The following ATAD1 variants were observed in gnomAD, a reference collection of about 807,000 sequenced individuals.
ATAD1 encodes the protein outer mitochondrial transmembrane helix translocase.
ATAD1 carries 18 observed loss-of-function variants against 42.7 expected under a neutral mutation model. The ratio of observed to expected loss-of-function variants is 0.42; its 90% CI spans 0.29 to 0.63. ATAD1 has a LOEUF of 0.63. ATAD1 is among the 20% of genes least tolerant of loss of function. The pLI is 0.19. For synonymous variants in ATAD1, 132 were observed against 143.1 expected (o/e 0.92, Z 0.55); for missense variants, 294 against 440.4 (o/e 0.67, Z 2.98).
At chr10:87,823,035 G>T (rs1170863919), upstream of ATAD1, among the ~76,000 whole-genome samples, 2 of 150,166 alleles carry the variant, frequency 1.3e-5, no homozygotes, top group African/African-American at 2.4e-5. Context: ...AATTTCAAAA[G>T]ATTGGAAGAA....
chr10:87,824,188 C>G (rs1215370170), intron 1 of ATAD1, among the ~76,000 whole-genome samples: 1 of 151,234 alleles, frequency 6.6e-6, no homozygotes, highest in Non-Finnish European at 1.5e-5. Context: ...ATGCCTAGGA[C>G]ATAGGAGAGG....
intron 8 of ATAD1, among the ~76,000 whole-genome samples, chr10:87,766,681 C>G (rs1337464905): frequency 6.6e-6 from 1 of 151,898 alleles, no homozygotes; most frequent in Non-Finnish European, 1.5e-5. Context: ...TGTGGTGGCA[C>G]ACGCCTGTAA....
intron 7 of ATAD1, among the ~76,000 whole-genome samples, 165 bp downstream of exon 7, chr10:87,770,787 T>TAG (rs1554875496): frequency 7.9e-5 from 12 of 151,896 alleles, no homozygotes; most frequent in African/African-American, 2.9e-4. Flanking sequence ...AGGATAGAAA[T>TAG]AGAGAGTGGA....
chr10:87,797,176 T>C (rs1856433205), intron 2 of ATAD1, among the ~76,000 whole-genome samples: 1 of 152,240 alleles, frequency 6.6e-6, no homozygotes, highest in South Asian at 2.1e-4. Context: ...ATCATATTGT[T>C]GGGTTTTTTG....
At chr10:87,831,923 A>C (rs1213932615) in intron 1 of ATAD1, among the ~76,000 whole-genome samples, 1 of 152,148 alleles carries the variant, frequency 6.6e-6, no homozygotes. Flanking sequence ...TCAGATAAGG[A>C]AACTGAGGCA....
At chr10:87,821,947 T>C (rs1857639218), upstream of ATAD1, among the ~76,000 whole-genome samples, 1 of 152,224 alleles carries the variant, frequency 6.6e-6, no homozygotes, top group Non-Finnish European at 1.5e-5. Context: ...AAATCTCTAC[T>C]ACCTTAGCCT....
chr10:87,754,679 C>CT lies in ATAD1; in HGVS notation c.*7dup. 1 of 1,611,418 alleles carries CT rather than the reference C, an allele frequency of 6.2e-7. No individual in the cohort carries two copies. The highest frequency in any genetic ancestry group is 8.5e-7 in the Non-Finnish European group (1 of 1,179,028). On this transcript the variant is annotated 3_prime_UTR_variant, in exon 10 of 10. Transcript: ENST00000680024. ...TAGATCACTGAACTGTACAAATGAT[C>CT]TTTACTCTTAATCTAAACAAACATG...
chr10:87,812,476 T>G (rs1291981969), intron 2 of ATAD1, among the ~76,000 whole-genome samples: 1 of 152,128 alleles, frequency 6.6e-6, no homozygotes, highest in East Asian at 1.9e-4. Flanking sequence ...TTGGCCAGGC[T>G]GATCTCCAAC....
At chr10:87,774,460 G>T (rs1214525146) in intron 6 of ATAD1, among the ~76,000 whole-genome samples, 2 of 152,112 alleles carry the variant, frequency 1.3e-5, no homozygotes, top group East Asian at 3.8e-4. Flanking sequence ...TAATAAGCAA[G>T]AGCCTATCAA....
chr10:87,802,545 C>T (rs1380146514), intron 2 of ATAD1, among the ~76,000 whole-genome samples: 1 of 151,774 alleles, frequency 6.6e-6, no homozygotes, highest in African/African-American at 2.4e-5. Flanking sequence ...GTGGCTCATG[C>T]CTGTAATCCC....
At position 87,829,569 on chromosome 10, in the gene ATAD1, A is replaced by G. The variant is rs1350169962; in HGVS notation, c.-14+11618T>C. 2.6e-5 allele frequency among the ~76,000 whole-genome samples: 4 copies of G among 152,286 alleles called. No individual in the cohort carries two copies. The East Asian group carries it at 7.7e-4, about 29-fold the overall frequency. ...TCGCCCGGCCAGGATTCACCATTCT[A>G]AATGCCATTGAGAATATTCAAAATT... On this transcript the variant is annotated intron_variant, in intron 1 of 4. Coordinates refer to the ATAD1 transcript ENST00000495903.
chr10:87,778,835 G>A (rs878902269), intron 5 of ATAD1, among the ~76,000 whole-genome samples: 10 of 151,878 alleles, frequency 6.6e-5, no homozygotes, highest in Admixed American at 1.3e-4. Flanking sequence ...GCAAAAAAAC[G>A]GACCAACACA....
At chr10:87,775,198 A>T (rs1415752620) in intron 6 of ATAD1, among the ~76,000 whole-genome samples, 1 of 152,006 alleles carries the variant, frequency 6.6e-6, no homozygotes, top group Non-Finnish European at 1.5e-5. Context: ...AGGTGGGTGG[A>T]TCAGTTGAGG....
At chr10:87,763,453 G>A (rs1176899902) in intron 8 of ATAD1, among the ~76,000 whole-genome samples, 1 of 152,212 alleles carries the variant, frequency 6.6e-6, no homozygotes, top group African/African-American at 2.4e-5. Context: ...GAGGTCAGGA[G>A]TTCAAAACCT....
At chr10:87,774,421 T>C (rs1279376502) in intron 6 of ATAD1, among the ~76,000 whole-genome samples, 2 of 152,206 alleles carry the variant, frequency 1.3e-5, no homozygotes, top group Non-Finnish European at 2.9e-5. Context: ...GCCAGGGTTC[T>C]GATTTTCTAA....
In ATAD1 at chr10:87,825,886, G is replaced by T. The variant is rs114723261; in HGVS notation, c.-13-11274C>A. ...CCAGCCAAGTACAACACATTTTTTT[G>T]TTTAATTTACTATGGGTAATTAATA... On this transcript the variant is annotated intron_variant, in intron 1 of 4. Transcript: ENST00000495903. Among the ~76,000 whole-genome samples the T allele has an allele frequency of 3.8e-3, 570 of 151,540 alleles. 3 individuals are homozygous for T. Among genetic ancestry groups the T allele is most frequent in the Middle Eastern group, 0.014 (4 of 294 alleles).
intron 8 of ATAD1, among the ~76,000 whole-genome samples, chr10:87,765,746 T>C (rs1378606208): frequency 1.3e-5 from 2 of 152,222 alleles, no homozygotes; most frequent in East Asian, 3.8e-4. Context: ...ATAACCATTT[T>C]TGACCAGCTG....
chr10:87,839,994 G>A (rs2132123033), intron 1 of ATAD1, among the ~76,000 whole-genome samples: 1 of 152,188 alleles, frequency 6.6e-6, no homozygotes, highest in Non-Finnish European at 1.5e-5. Context: ...AACTCTGTTT[G>A]AGTCATTTAG....
chr10:87,839,716 G>A (rs553191469), intron 1 of ATAD1, among the ~76,000 whole-genome samples: 11 of 134,672 alleles, frequency 8.2e-5, no homozygotes, highest in Non-Finnish European at 1.3e-4. Context: ...CCCCCCCGCC[G>A]CCCCCAGTAA....
Sources: allele counts gnomAD v4.1 joint callset (sites outside exome capture counted in the v4.1 genomes callset), GRCh38; gene constraint gnomAD v4.1.1; transcripts MANE v1.5; gene names NCBI Gene and HGNC (gene_info 2026-07-23, HGNC 2026-07-21).